The following BST1 variants were observed in gnomAD, a reference collection of about 807,000 sequenced individuals.
The protein encoded by BST1 is bone marrow stromal cell antigen 1.
In BST1, 49 loss-of-function variants were observed where a neutral mutation model predicts 40.6. The ratio of observed to expected loss-of-function variants is 1.21; its 90% CI spans 0.96 to 1.53. The LOEUF (loss-of-function observed/expected upper bound fraction) is 1.53. Among genes scored for constraint, BST1 ranks in the 40% most tolerant of loss-of-function variants. BST1 has a pLI of 0.00. For synonymous variants in BST1, 157 were observed against 159.3 expected (o/e 0.99, Z 0.11); for missense variants, 423 against 395.9 (o/e 1.07, Z -0.58).
chr4:15,728,233 G>A (rs1169129760), intron 8 of BST1, among the ~76,000 whole-genome samples: 1 of 151,986 alleles, frequency 6.6e-6, no homozygotes, highest in Non-Finnish European at 1.5e-5. Context: ...GTGGGGTAAA[G>A]GGCTTTTAAT....
intron 7 of BST1, among the ~76,000 whole-genome samples, chr4:15,722,154 T>G (rs1720841484): frequency 6.6e-6 from 1 of 152,218 alleles, no homozygotes; most frequent in Admixed American, 6.5e-5. Context: ...CCCAAAGTAC[T>G]TATCAGGTCA....
the BST1 span, among the ~76,000 whole-genome samples, chr4:15,769,420 G>C: frequency 1.3e-5 from 2 of 152,246 alleles, no homozygotes; most frequent in South Asian, 2.1e-4. Flanking sequence ...GAACTGAAGA[G>C]AGGAGGCTCC....
At position 15,708,435 on chromosome 4, in the gene BST1, G is replaced by T. The variant is rs568188349; in HGVS notation, c.451+789G>T. Reference sequence around the variant, plus strand: ...TATGGGCTATAATGCAGGAAAAATGGTGTTCGAGGAGTAGCAGAGTGAGAC... The same window carrying T: ...TATGGGCTATAATGCAGGAAAAATGTTGTTCGAGGAGTAGCAGAGTGAGAC... On this transcript the variant is annotated intron_variant, in intron 3 of 8. Transcript: ENST00000265016. Among the ~76,000 whole-genome samples the T allele has an allele frequency of 9.2e-5, 14 of 152,290 alleles. No individual in the cohort carries two copies. In the South Asian group the frequency reaches 2.5e-3, roughly 27 times the overall value.
the BST1 span, among the ~76,000 whole-genome samples, chr4:15,773,024 G>GA: frequency 1.4e-4 from 21 of 152,000 alleles, no homozygotes; most frequent in South Asian, 8.3e-4. Flanking sequence ...GGGTGACTTG[G>GA]AAAAAAAACC....
At chr4:15,733,303 T>C (rs956290000), downstream of BST1, among the ~76,000 whole-genome samples, 1 of 151,608 alleles carries the variant, frequency 6.6e-6, no homozygotes, top group African/African-American at 2.4e-5. Context: ...GGACACAGAG[T>C]GCTGACTGGT....
In BST1 at chr4:15,731,904, A is replaced by T. The variant is rs1721392087; in HGVS notation, c.*59A>T. 28 of 1,566,346 alleles carry T rather than the reference A, an allele frequency of 1.8e-5. No individual in the cohort carries two copies. Among genetic ancestry groups the T allele is most frequent in the Non-Finnish European group, 2.3e-5 (27 of 1,155,250 alleles). Reference sequence around the variant, plus strand: ...CCTGCAGCCTCCCCTTGCAGTCATCATTCGTGTTCTGTGTATACCAAATGA... The same window carrying T: ...CCTGCAGCCTCCCCTTGCAGTCATCTTTCGTGTTCTGTGTATACCAAATGA... On this transcript the variant is annotated 3_prime_UTR_variant, in exon 9 of 9. Transcript: ENST00000265016.
chr4:15,764,743 A>C, the BST1 span, among the ~76,000 whole-genome samples: 1 of 151,972 alleles, frequency 6.6e-6, no homozygotes, highest in Non-Finnish European at 1.5e-5. Context: ...CCCCAAGATC[A>C]GGCCCACAGA....
At chr4:15,715,453 C>T in intron 5 of BST1, 92 bp downstream of exon 5, 1 of 1,312,546 alleles carries the variant, frequency 7.6e-7, no homozygotes, top group South Asian at 1.3e-5. Context: ...TATCCTAGTC[C>T]CCATCTCATG....
At chr4:15,715,153 T>C in intron 4 of BST1, 132 bp from the exon 5 acceptor site, 1 of 791,718 alleles carries the variant, frequency 1.3e-6, no homozygotes, top group Non-Finnish European at 2.0e-6. Context: ...GCATTTCTAC[T>C]AAGCCATATG....
intron 3 of BST1, 94 bp downstream of exon 3, chr4:15,707,740 C>T (rs1719960223): frequency 6.9e-7 from 1 of 1,453,404 alleles, no homozygotes; most frequent in Non-Finnish European, 9.4e-7. Flanking sequence ...ATTTATTTCA[C>T]TTGATCCTCT....
At chr4:15,760,134 C>A in the BST1 span, among the ~76,000 whole-genome samples, 3 of 151,930 alleles carry the variant, frequency 2.0e-5, no homozygotes, top group African/African-American at 7.3e-5. Context: ...CTTTCCGTCT[C>A]TATGGATTTG....
chr4:15,720,158 C>G (rs1391829608), intron 7 of BST1, among the ~76,000 whole-genome samples: 1 of 152,118 alleles, frequency 6.6e-6, no homozygotes, highest in African/African-American at 2.4e-5. Context: ...TAACCACTCT[C>G]TAGATTTATA....
intron 3 of BST1, among the ~76,000 whole-genome samples, chr4:15,709,231 T>A (rs559977990): frequency 4.5e-4 from 69 of 152,268 alleles, no homozygotes; most frequent in Non-Finnish European, 4.0e-4. Context: ...GATAAGCTGA[T>A]ATTTGAACAA....
intron 8 of BST1, among the ~76,000 whole-genome samples, chr4:15,729,135 G>A (rs1721261858): frequency 1.3e-5 from 2 of 152,174 alleles, no homozygotes; most frequent in South Asian, 4.1e-4. Context: ...TAAAAAAGAT[G>A]TAATATTTTA....
chr4:15,743,584 TGG>T, the BST1 span: 1 of 340,084 alleles, frequency 2.9e-6, no homozygotes, highest in South Asian at 2.6e-5. Context: ...AGGGCCCAGC[TGG>T]GAGCCTCTGC....
the BST1 span, among the ~76,000 whole-genome samples, chr4:15,751,188 AG>A: frequency 6.6e-6 from 1 of 152,172 alleles, no homozygotes. Context: ...TTTAAAGAGG[AG>A]GGGTTATATG....
chr4:15,718,916 C>T lies in BST1; in HGVS notation c.714C>T (p.Cys238=), dbSNP rs146288579. Residue 238 remains cysteine, a synonymous_variant, in exon 7 of 9, where the codon TGC becomes TGT. Transcript: ENST00000265016. ...TATTTTCATGTTTTAGGGAATCCTGCGGGGAAGGCAGCATGAAAGTCCTGG... is the reference window on the plus strand; with the variant it reads ...TATTTTCATGTTTTAGGGAATCCTGTGGGGAAGGCAGCATGAAAGTCCTGG... The part of the protein sequence containing the change: ...HEIGGPNVES[C]GEGSMKVLEK... 1.7e-5 allele frequency: 27 copies of T among 1,613,374 alleles called. No individual in the cohort carries two copies. The highest frequency in any genetic ancestry group is 3.3e-5 in the South Asian group (3 of 91,018).
the BST1 span, among the ~76,000 whole-genome samples, chr4:15,747,854 T>G: frequency 6.6e-6 from 1 of 152,124 alleles, no homozygotes; most frequent in South Asian, 2.1e-4. Context: ...AATTCTTATT[T>G]TTTGTAGAGA....
chr4:15,726,168 TC>T (rs1194347390), intron 8 of BST1, among the ~76,000 whole-genome samples: 1 of 133,612 alleles, frequency 7.5e-6, no homozygotes, highest in Admixed American at 8.1e-5. Flanking sequence ...AGAGATGAGG[TC>T]TCACTATATT....
Sources: gnomAD v4.1 joint callset for allele counts (sites outside exome capture counted in the v4.1 genomes callset) on GRCh38, gnomAD v4.1.1 for gene constraint, MANE v1.5 for transcripts, NCBI Gene and HGNC (gene_info 2026-07-23, HGNC 2026-07-21) for gene names.